Variants in KCNAB1 observed in about 807,000 individuals in gnomAD.
KCNAB1 encodes the protein voltage-gated potassium channel subunit beta-1.
A neutral mutation model predicts 64.6 loss-of-function variants in KCNAB1; 35 were observed. That is an observed-to-expected ratio of 0.54 (90% confidence interval 0.41 to 0.72). KCNAB1 has a LOEUF of 0.72. KCNAB1 is among the 30% of genes least tolerant of loss of function. The pLI, the probability that KCNAB1 is intolerant of heterozygous loss-of-function variation, is 0.00. For synonymous variants in KCNAB1, 177 were observed against 183.8 expected, an observed-to-expected ratio of 0.96 and a Z score of 0.30; for missense variants, 401 against 512.9, an observed-to-expected ratio of 0.78 and a Z score of 2.11.
At chr3:156,274,949 G>T (rs1719254556) in intron 1 of KCNAB1, among the ~76,000 whole-genome samples, 1 of 152,178 alleles carries the variant, frequency 6.6e-6, no homozygotes, top group African/African-American at 2.4e-5. Context: ...TCACCATGCT[G>T]TCTGTGGATC....
At chr3:156,352,904 G>A (rs1458412440) in intron 1 of KCNAB1, among the ~76,000 whole-genome samples, 1 of 152,254 alleles carries the variant, frequency 6.6e-6, no homozygotes, top group Non-Finnish European at 1.5e-5. Flanking sequence ...CTGTCATCGA[G>A]CCCATCTGTA....
intron 2 of KCNAB1, among the ~76,000 whole-genome samples, chr3:156,443,960 T>C (rs1717213785): frequency 6.6e-6 from 1 of 152,158 alleles, no homozygotes; most frequent in African/African-American, 2.4e-5. Flanking sequence ...CTGGGTGGCA[T>C]TACTGGTACT....
chr3:156,536,526 C>A, intron 13 of KCNAB1, 132 bp from the exon 14 acceptor site: 2 of 684,530 alleles, frequency 2.9e-6, no homozygotes, highest in East Asian at 2.6e-5. Context: ...GTGTTGGGGG[C>A]GGGGGGCTTA....
At chr3:156,176,210 C>T in intron 1 of KCNAB1, 1 of 779,934 alleles carries the variant, frequency 1.3e-6, no homozygotes, top group South Asian at 1.3e-5. Flanking sequence ...AGGCCAGTCA[C>T]TGAATCTGCA....
rs961559332 is a variant in KCNAB1, at chr3:156,519,872, T to C, written c.960+3508T>C. On this transcript the variant is annotated intron_variant, in intron 11 of 13. Coordinates refer to ENST00000490337, the MANE Select transcript of KCNAB1 (RefSeq NM_172160.3). ...CAGTCCAGAGATGACTGGACAAGCT[T>C]AGGTCATGTGCCACCCTGTGAGACC... 4.6e-5 allele frequency among the ~76,000 whole-genome samples: 7 copies of C among 152,264 alleles called. No homozygotes were observed. In the South Asian group the frequency reaches 1.2e-3, roughly 27 times the overall value.
intron 1 of KCNAB1, among the ~76,000 whole-genome samples, chr3:156,355,306 G>A (rs980386976): frequency 5.9e-5 from 9 of 152,168 alleles, no homozygotes; most frequent in African/African-American, 9.7e-5. Flanking sequence ...ATTTTCTGAC[G>A]TTGACGTGAG....
At chr3:156,350,016 C>T (rs1172461718) in intron 1 of KCNAB1, among the ~76,000 whole-genome samples, 1 of 152,026 alleles carries the variant, frequency 6.6e-6, no homozygotes, top group Non-Finnish European at 1.5e-5. Flanking sequence ...TTTTGTTCAT[C>T]TTTTTTCCAA....
At chr3:156,221,783 C>A (rs567398723) in intron 1 of KCNAB1, among the ~76,000 whole-genome samples, 15 of 139,846 alleles carry the variant, frequency 1.1e-4, no homozygotes, top group Admixed American at 4.3e-4. Flanking sequence ...CATCCCCCCC[C>A]GCCAAAAAAA....
intron 1 of KCNAB1, among the ~76,000 whole-genome samples, chr3:156,270,412 G>A (rs1276466137): frequency 6.6e-6 from 1 of 150,978 alleles, no homozygotes; most frequent in African/African-American, 2.4e-5. Flanking sequence ...TTTCTCTGGT[G>A]GTATGTTTTA....
At chr3:156,385,190 G>A (rs185219257) in intron 1 of KCNAB1, among the ~76,000 whole-genome samples, 186 of 152,250 alleles carry the variant, frequency 1.2e-3, no homozygotes, top group Non-Finnish European at 2.1e-3. Flanking sequence ...GGAGACATCC[G>A]TGTTTGAGAA....
chr3:156,293,980 C>T (rs1236546303), intron 1 of KCNAB1, among the ~76,000 whole-genome samples: 2 of 152,354 alleles, frequency 1.3e-5, no homozygotes, highest in East Asian at 3.9e-4. Context: ...AGTACTTTCG[C>T]AGCACTATGA....
rs1716942871 is a variant in KCNAB1 at position 156,508,072 on chromosome 3, A to G, written c.659-6292A>G. ...CCACTAAATAATACAATTATTTTGC[A>G]TGTTTTTTCTCAGTATTTTGCAAGC... On this transcript the variant is annotated intron_variant, in intron 8 of 13. Transcript: ENST00000490337. The surrounding 1 kb of genome is among the most constrained non-coding windows in gnomAD (Gnocchi z 4.1). Among the ~76,000 whole-genome samples, 1 of 152,178 alleles carries G rather than the reference A, an allele frequency of 6.6e-6. No homozygotes were observed. Among genetic ancestry groups the G allele is most frequent in the East Asian group, 1.9e-4 (1 of 5,204 alleles).
intron 2 of KCNAB1, among the ~76,000 whole-genome samples, chr3:156,444,620 C>G (rs1717265692): frequency 6.6e-6 from 1 of 152,196 alleles, no homozygotes; most frequent in Non-Finnish European, 1.5e-5. Flanking sequence ...TATCTTCATT[C>G]CATGCCCTTC....
At chr3:156,483,547 G>C (rs1238719697) in intron 8 of KCNAB1, among the ~76,000 whole-genome samples, 2 of 152,016 alleles carry the variant, frequency 1.3e-5, no homozygotes, top group Non-Finnish European at 2.9e-5. Flanking sequence ...AATCCACTTA[G>C]TTTTACCATG....
At position 156,133,661 on chromosome 3, in the gene KCNAB1, T is replaced by C. The variant is rs75936400; in HGVS notation, c.275+12775T>C. ...CAACACTACAGTCAAGTTTTTTTGG[T>C]GTGATATTAGAAGTGTGAAGGAAAT... On this transcript the variant is annotated intron_variant, in intron 1 of 13. Coordinates refer to ENST00000490337, the MANE Select transcript of KCNAB1 (RefSeq NM_172160.3). Among the ~76,000 whole-genome samples the C allele has an allele frequency of 1.1e-3, 161 of 152,232 alleles. No individual in the cohort carries two copies. In the East Asian group the frequency reaches 0.014, roughly 14 times the overall value.
intron 1 of KCNAB1, among the ~76,000 whole-genome samples, chr3:156,319,639 GA>G (rs1722524926): frequency 6.6e-6 from 1 of 152,200 alleles, no homozygotes; most frequent in African/African-American, 2.4e-5. Flanking sequence ...AGAGCCCTGT[GA>G]AAAGACACTA....
chr3:156,221,617 A>T (rs1184230400), intron 1 of KCNAB1, among the ~76,000 whole-genome samples: 1 of 152,048 alleles, frequency 6.6e-6, no homozygotes, highest in African/African-American at 2.4e-5. Context: ...GTCTGTACTA[A>T]AAATACAAAA....
At chr3:156,405,780 C>T (rs998456179) in intron 1 of KCNAB1, among the ~76,000 whole-genome samples, 1 of 152,148 alleles carries the variant, frequency 6.6e-6, no homozygotes, top group Non-Finnish European at 1.5e-5. Context: ...AATAACACAT[C>T]CTATTGATAA....
intron 1 of KCNAB1, among the ~76,000 whole-genome samples, chr3:156,183,322 G>A (rs1453448794): frequency 6.6e-6 from 1 of 152,220 alleles, no homozygotes; most frequent in Non-Finnish European, 1.5e-5. Context: ...ACAGGGTTCC[G>A]AAGAATAAAA....
Sources: gnomAD v4.1 joint callset for allele counts (sites outside exome capture counted in the v4.1 genomes callset) on GRCh38, gnomAD v4.1.1 for gene constraint, Gnocchi (gnomAD v3.1) non-coding constraint, MANE v1.5 for transcripts, NCBI Gene and HGNC (gene_info 2026-07-23, HGNC 2026-07-21) for gene names.